IBTK: variants seen among roughly 807,000 people sequenced by gnomAD.
The protein encoded by IBTK is BTK-binding protein.
Under a neutral mutation model 154.9 loss-of-function variants are expected in IBTK, and 83 were observed. That is an observed-to-expected ratio of 0.54 (90% CI 0.45 to 0.64). IBTK has a LOEUF of 0.64. IBTK is among the 30% of genes least tolerant of loss of function. The pLI is 0.00. For missense variants in IBTK, 1,332 were observed against 1,584.6 expected (o/e 0.84, Z 2.71); for synonymous variants, 515 against 536.1 (o/e 0.96, Z 0.54).
chr6:82,246,485 C>A (rs1303569643), intron 1 of IBTK, among the ~76,000 whole-genome samples: 1 of 142,808 alleles, frequency 7.0e-6, no homozygotes, highest in Non-Finnish European at 1.5e-5. Context: ...CACTCAGTCG[C>A]CCAGGATGGA....
intron 23 of IBTK, among the ~76,000 whole-genome samples, chr6:82,192,797 C>T (rs1004909326): frequency 6.8e-6 from 1 of 148,110 alleles, no homozygotes; most frequent in Non-Finnish European, 1.5e-5. Context: ...ATGAAATCTA[C>T]ACTACAGATA....
chr6:82,204,045 G>A (rs1286921111), intron 17 of IBTK, among the ~76,000 whole-genome samples: 1 of 152,152 alleles, frequency 6.6e-6, no homozygotes, highest in Non-Finnish European at 1.5e-5. Flanking sequence ...AGGCTGTCAG[G>A]TGGAAGCTAA....
intron 3 of IBTK, among the ~76,000 whole-genome samples, chr6:82,233,926 G>T (rs1328331676): frequency 1.3e-5 from 2 of 152,182 alleles, no homozygotes; most frequent in African/African-American, 4.8e-5. Context: ...TAGAGACGGG[G>T]TTGTACCATG....
intron 16 of IBTK, among the ~76,000 whole-genome samples, chr6:82,209,992 C>T (rs970901682): frequency 2.6e-5 from 4 of 152,114 alleles, no homozygotes; most frequent in Admixed American, 6.5e-5. Flanking sequence ...AAAGGTCTAT[C>T]CACTTATTTT....
chr6:82,238,131 G>GT (rs1278810777), intron 2 of IBTK, among the ~76,000 whole-genome samples: 2 of 151,908 alleles, frequency 1.3e-5, no homozygotes, highest in African/African-American at 4.8e-5. Context: ...GTAATCTCAG[G>GT]TATCGGGAAG....
chr6:82,191,336 T>A, intron 24 of IBTK, 120 bp from the exon 25 acceptor site: 1 of 757,306 alleles, frequency 1.3e-6, no homozygotes, highest in Non-Finnish European at 2.1e-6. Context: ...AGGTTACTGG[T>A]AATAATAATG....
At chr6:82,194,308 G>A (rs986042963) in intron 23 of IBTK, among the ~76,000 whole-genome samples, 171 bp downstream of exon 23, 2 of 152,076 alleles carry the variant, frequency 1.3e-5, no homozygotes, top group Non-Finnish European at 2.9e-5. Flanking sequence ...GGTTGGTTGG[G>A]GGGGAAGCCT....
At chr6:82,220,816 T>C (rs1770069454) in intron 8 of IBTK, 103 bp from the exon 9 acceptor site, 5 of 940,446 alleles carry the variant, frequency 5.3e-6, no homozygotes, top group Non-Finnish European at 7.6e-6. Context: ...TAGGCAATTA[T>C]TGTGAAGGTG....
intron 10 of IBTK, 115 bp downstream of exon 10, chr6:82,217,845 A>G (rs1371971022): frequency 3.0e-6 from 2 of 656,208 alleles, no homozygotes; most frequent in African/African-American, 3.8e-5. Flanking sequence ...AACTAATCAC[A>G]AAGATAAATA....
chr6:82,205,674 G>A (rs922013658), intron 16 of IBTK: 1 of 152,330 alleles, frequency 6.6e-6, no homozygotes, highest in Non-Finnish European at 1.5e-5. Flanking sequence ...GCTGAGGCAC[G>A]AGAATTGCTT....
At chr6:82,246,875 C>G (rs79786094) in intron 1 of IBTK, among the ~76,000 whole-genome samples, 3,417 of 152,244 alleles carry the variant, frequency 0.022, 145 homozygotes, top group African/African-American at 0.078. Flanking sequence ...TGGCCTACTT[C>G]GAGGCATAAG....
At chr6:82,199,235 T>TTG (rs150088800) in intron 21 of IBTK, among the ~76,000 whole-genome samples, 1 of 151,330 alleles carries the variant, frequency 6.6e-6, no homozygotes, top group Non-Finnish European at 1.5e-5. Context: ...AGTCTCTGTA[T>TTG]TGTGTGTGTG....
In IBTK at chr6:82,225,552, A is replaced by T; in HGVS notation, c.750T>A (p.Val250=). 5.6e-6 allele frequency: 9 copies of T among 1,613,442 alleles called. No individual in the cohort carries two copies. Among genetic ancestry groups the T allele is most frequent in the Non-Finnish European group, 7.6e-6 (9 of 1,179,518 alleles). The part of the protein sequence containing the change: ...HTVVLTEDGC[V]YTFGLNIFHQ... ...GAAAAATGTTTAGACCAAATGTATA[A>T]ACACATCCATCTTCAGTTAATACAA... The change falls in exon 6 of 29, where the codon GTT becomes GTA. Residue 250 remains valine, a synonymous_variant. Transcript: ENST00000306270.
intron 25 of IBTK, among the ~76,000 whole-genome samples, chr6:82,190,399 T>A (rs1437399450): frequency 6.6e-6 from 1 of 152,188 alleles, no homozygotes; most frequent in African/African-American, 2.4e-5. Flanking sequence ...ACATTCTCCA[T>A]GTAGTTCTCC....
intron 1 of IBTK, among the ~76,000 whole-genome samples, chr6:82,246,789 T>TA (rs1771164896): frequency 6.6e-6 from 1 of 152,240 alleles, no homozygotes; most frequent in African/African-American, 2.4e-5. Context: ...CCTGTGAATT[T>TA]ACACCACTTT....
At chr6:82,197,886 T>A (rs191654220) in intron 21 of IBTK, among the ~76,000 whole-genome samples, 3 of 152,228 alleles carry the variant, frequency 2.0e-5, no homozygotes, top group African/African-American at 7.2e-5. Context: ...CTGTCTTTGA[T>A]GAAATTGGCC....
rs532842274 is a variant in IBTK, at chr6:82,238,876, C to G, written c.321+1290G>C. On this transcript the variant is annotated intron_variant, in intron 2 of 28. Transcript: ENST00000306270. The stretch of plus-strand genomic sequence containing the variant: ...GCCTCAGTCTCCCAAGTAGCTAAGA[C>G]TACAAGCACACGCCACTACACCTGG... Among the ~76,000 whole-genome samples the G allele has an allele frequency of 2.0e-3, 306 of 151,986 alleles. 1 individual carries two copies. The highest frequency in any genetic ancestry group is 7.2e-3 in the African/African-American group (300 of 41,492).
chr6:82,234,985 C>G lies in IBTK; in HGVS notation c.322-730G>C, dbSNP rs868519250. 5.3e-5 allele frequency among the ~76,000 whole-genome samples: 8 copies of G among 152,010 alleles called. 2 individuals are homozygous for G. In the South Asian group the frequency reaches 1.7e-3, roughly 32 times the overall value. ...AAACAATTCTCCTGACTCAGCCTCC[C>G]GAGTAGCTGGGATTACAGGTGCCCA... is the stretch of plus-strand genomic sequence containing the variant. On this transcript the variant is annotated intron_variant, in intron 2 of 28. Coordinates refer to ENST00000306270, the MANE Select transcript of IBTK (RefSeq NM_015525.4).
intron 28 of IBTK, among the ~76,000 whole-genome samples, chr6:82,171,883 GTCT>G (rs1426801100): frequency 6.6e-6 from 1 of 152,212 alleles, no homozygotes; most frequent in African/African-American, 2.4e-5. Flanking sequence ...TGTTGTACAA[GTCT>G]TCTAAATCTT....
Sources: allele counts gnomAD v4.1 joint callset (sites outside exome capture counted in the v4.1 genomes callset), GRCh38; gene constraint gnomAD v4.1.1; transcripts MANE v1.5; gene names NCBI Gene and HGNC (gene_info 2026-07-23, HGNC 2026-07-21).